Variants in GAS2 observed in about 807,000 individuals in gnomAD.
The protein encoded by GAS2 is growth arrest specific 2, also known as growth arrest-specific protein 2.
Under a neutral mutation model 37.5 loss-of-function variants are expected in GAS2, and 20 were observed. The observed-to-expected ratio is 0.53, with a 90% CI of 0.37 to 0.77. The LOEUF is 0.77. Ranked by LOEUF, GAS2 falls within the 30% of genes least tolerant of loss-of-function variation. The pLI is 0.00. For synonymous variants in GAS2, 144 were observed against 132.2 expected (o/e 1.09, Z -0.61); for missense variants, 336 against 373.4 (o/e 0.90, Z 0.82).
chr11:22,695,536 C>T (rs960805885), intron 3 of GAS2, among the ~76,000 whole-genome samples: 2 of 152,106 alleles, frequency 1.3e-5, no homozygotes, highest in African/African-American at 4.8e-5. Flanking sequence ...ATGTCTCTGC[C>T]TCTCTTCCCA....
chr11:22,702,072 T>C (rs1850870798), intron 3 of GAS2: 2 of 152,202 alleles, frequency 1.3e-5, no homozygotes, highest in South Asian at 4.1e-4. Context: ...ATACAGGAGC[T>C]ACACATGCAT....
chr11:22,645,523 A>G (rs923586474), intron 1 of GAS2, among the ~76,000 whole-genome samples: 1 of 151,510 alleles, frequency 6.6e-6, no homozygotes, highest in Non-Finnish European at 1.5e-5. Context: ...ATATATATAC[A>G]CACACACACA....
intron 7 of GAS2, among the ~76,000 whole-genome samples, chr11:22,794,594 T>C (rs920041101): frequency 1.1e-4 from 17 of 152,164 alleles, no homozygotes; most frequent in African/African-American, 4.1e-4. Context: ...ATAACACTGG[T>C]CAAATCATTA....
intron 3 of GAS2, among the ~76,000 whole-genome samples, chr11:22,714,938 C>T (rs1851591432): frequency 1.3e-5 from 2 of 152,094 alleles, no homozygotes; most frequent in South Asian, 4.2e-4. Context: ...ACAATCTATG[C>T]TCACACCTCA....
chr11:22,748,150 A>G (rs1853516612), intron 5 of GAS2, among the ~76,000 whole-genome samples: 1 of 152,232 alleles, frequency 6.6e-6, no homozygotes, highest in Non-Finnish European at 1.5e-5. Context: ...TAAATCTCCA[A>G]GTGACTTTTC....
chr11:22,790,555 C>T (rs1417413168), intron 7 of GAS2, among the ~76,000 whole-genome samples: 3 of 151,368 alleles, frequency 2.0e-5, no homozygotes, highest in Non-Finnish European at 2.9e-5. Flanking sequence ...CTCAAAGACT[C>T]GGCTGAAAGT....
At chr11:22,692,491 G>C (rs114619984) in intron 3 of GAS2, among the ~76,000 whole-genome samples, 2,783 of 152,242 alleles carry the variant, frequency 0.018, 82 homozygotes, top group East Asian at 0.064. Flanking sequence ...GGTCTGGAAA[G>C]GCAGGACAAC....
intron 3 of GAS2, among the ~76,000 whole-genome samples, chr11:22,723,253 A>G (rs573515031): frequency 2.0e-5 from 3 of 152,026 alleles, no homozygotes; most frequent in Non-Finnish European, 4.4e-5. Flanking sequence ...TACACTGGGG[A>G]TTCTCAAGTT....
At chr11:22,711,035 G>C (rs541054149) in intron 3 of GAS2, among the ~76,000 whole-genome samples, 4 of 152,116 alleles carry the variant, frequency 2.6e-5, no homozygotes, top group Non-Finnish European at 5.9e-5. Flanking sequence ...GTGAACTTTT[G>C]CTCCAAGAAC....
intron 4 of GAS2, among the ~76,000 whole-genome samples, chr11:22,729,864 T>C (rs900490995): frequency 4.0e-5 from 6 of 151,718 alleles, no homozygotes; most frequent in African/African-American, 1.5e-4. Flanking sequence ...CTGAAGAAAA[T>C]TGGAAATTGG....
intron 1 of GAS2, among the ~76,000 whole-genome samples, chr11:22,632,233 C>G (rs1858753942): frequency 6.6e-6 from 1 of 152,058 alleles, no homozygotes; most frequent in African/African-American, 2.4e-5. Flanking sequence ...GTTAAACTAG[C>G]TAATAGTCAA....
At chr11:22,778,360 G>C (rs1050120390) in intron 7 of GAS2, among the ~76,000 whole-genome samples, 14 of 152,212 alleles carry the variant, frequency 9.2e-5, no homozygotes, top group African/African-American at 3.1e-4. Context: ...CTGTTAAGGA[G>C]TATATTTTCT....
At chr11:22,710,407 A>G (rs560399141) in intron 3 of GAS2, among the ~76,000 whole-genome samples, 2 of 152,238 alleles carry the variant, frequency 1.3e-5, no homozygotes, top group South Asian at 2.1e-4. Context: ...GCCAACAATG[A>G]TAAATTATGA....
chr11:22,664,316 T>A (rs2133848703), upstream of GAS2, among the ~76,000 whole-genome samples: 1 of 84,302 alleles, frequency 1.2e-5, no homozygotes, highest in East Asian at 3.6e-4. Context: ...AGGAGAGTTA[T>A]CTACATAGGA....
intron 3 of GAS2, among the ~76,000 whole-genome samples, chr11:22,712,809 G>A (rs1418547243): frequency 6.6e-6 from 1 of 152,102 alleles, no homozygotes; most frequent in South Asian, 2.1e-4. Flanking sequence ...GGGGGCAGTG[G>A]CTCATGCCTG....
chr11:22,756,158 G>A (rs766134347), intron 7 of GAS2, among the ~76,000 whole-genome samples: 2 of 151,914 alleles, frequency 1.3e-5, no homozygotes, highest in Admixed American at 6.6e-5. Flanking sequence ...ATACCAAAAC[G>A]CATATACACC....
chr11:22,647,080 AC>A (rs887548260), intron 1 of GAS2, among the ~76,000 whole-genome samples: 1 of 44,364 alleles, frequency 2.3e-5, no homozygotes, highest in Admixed American at 3.3e-4. Context: ...CCCTCCCCCC[AC>A]CCCACAACAG....
intron 2 of GAS2, among the ~76,000 whole-genome samples, chr11:22,680,358 A>G (rs1849620124): frequency 1.3e-5 from 2 of 152,128 alleles, no homozygotes; most frequent in Admixed American, 1.3e-4. Context: ...CTTGAAAATC[A>G]GTGTGAAGCA....
intron 1 of GAS2, among the ~76,000 whole-genome samples, chr11:22,673,952 G>A (rs1125899): frequency 0.63 from 95,078 of 152,036 alleles, 30,920 homozygotes; most frequent in East Asian, 0.83. Context: ...AACAAATAAA[G>A]TGGAAAGATA....
Sources: gnomAD v4.1 joint callset for allele counts (sites outside exome capture counted in the v4.1 genomes callset) on GRCh38, gnomAD v4.1.1 for gene constraint, MANE v1.5 for transcripts, NCBI Gene and HGNC (gene_info 2026-07-23, HGNC 2026-07-21) for gene names.